DNAH1: variants seen among roughly 807,000 people sequenced by gnomAD.
The protein encoded by DNAH1 is dynein axonemal heavy chain 1.
DNAH1 carries 327 observed loss-of-function variants against 484.3 expected under a neutral mutation model. That is an observed-to-expected ratio of 0.68 (90% CI 0.62 to 0.74). DNAH1 has a LOEUF of 0.74. DNAH1 is among the 30% of genes least tolerant of loss of function. The pLI, the probability that DNAH1 is intolerant of heterozygous loss-of-function variation, is 0.00. For synonymous variants in DNAH1, 2,192 were observed against 2,191.9 expected, an observed-to-expected ratio of 1.00 and a Z score of 0.00; for missense variants, 5,052 against 5,546.8, an observed-to-expected ratio of 0.91 and a Z score of 2.83.
At position 52,380,354 on chromosome 3, in the gene DNAH1, C is replaced by T. The variant is rs2153225108; in HGVS notation, c.7608+219C>T. 2.0e-5 allele frequency among the ~76,000 whole-genome samples: 3 copies of T among 152,216 alleles called. No homozygotes were observed. The South Asian group carries it at 6.2e-4, about 32-fold the overall frequency. ...TATCTCTGAAAACCAGCCTGTGGTCCAGCTGAGATGGGCTCTAGACACAGG... is the reference window on the plus strand; with the variant it reads ...TATCTCTGAAAACCAGCCTGTGGTCTAGCTGAGATGGGCTCTAGACACAGG... On this transcript the variant is annotated intron_variant, in intron 48 of 77. Transcript: ENST00000420323.
rs1380244840 is a variant in DNAH1 at position 52,359,978 on chromosome 3, A to G, written c.4470A>G (p.Ser1490=). The G allele has an allele frequency of 6.2e-7, 1 of 1,613,918 alleles. No individual in the cohort carries two copies. The highest frequency in any genetic ancestry group is 1.7e-5 in the Admixed American group (1 of 60,022). ...CCCGCATGCAGCGGGCAGTGCTGTCAGCGCTAATCGTCATTGAGGTCCATG... is the reference window on the plus strand; with the variant it reads ...CCCGCATGCAGCGGGCAGTGCTGTCGGCGCTAATCGTCATTGAGGTCCATG... The part of the protein sequence containing the change: ...KLSRMQRAVL[S]ALIVIEVHAK... Residue 1490 remains serine (S), a synonymous_variant, in exon 27 of 78, where the codon TCA becomes TCG. Coordinates refer to ENST00000420323, the MANE Select transcript of DNAH1 (RefSeq NM_015512.5).
chr3:52,316,483 A>G lies in DNAH1; in HGVS notation c.-97A>G, dbSNP rs1308708393. 1 of 152,252 alleles carries G rather than the reference A, an allele frequency of 6.6e-6. No individual in the cohort carries two copies. The highest frequency in any genetic ancestry group is 2.4e-5 in the African/African-American group (1 of 41,444). 9.4% of individuals were successfully genotyped at this position (152,252 alleles called of 1,614,324 possible). On this transcript the variant is annotated 5_prime_UTR_variant, in exon 1 of 78. Coordinates refer to ENST00000420323, the MANE Select transcript of DNAH1 (RefSeq NM_015512.5). ...TCACTGAGTACCTGTGTGAATGCCA[A>G]CAAGAAAAATAAAACCACAGTTTGG...
rs1578139994 is a variant in DNAH1 at position 52,360,154 on chromosome 3, A to G, written c.4571+75A>G. ...GCAGGGGAAAAGAGAAAAGTCAGTT[A>G]GCAATAAGCTGGTCTCTGTCCTTGA... is the stretch of plus-strand genomic sequence containing the variant. On this transcript the variant is annotated intron_variant, in intron 27 of 77. Coordinates refer to ENST00000420323, the MANE Select transcript of DNAH1 (RefSeq NM_015512.5). 7 of 1,596,394 alleles carry G rather than the reference A, an allele frequency of 4.4e-6. No homozygotes were observed. The East Asian group carries it at 1.1e-4, about 25-fold the overall frequency.
Position 52,358,619 on chromosome 3 carries a change from A to G in DNAH1, c.4148A>G (p.Gln1383Arg), listed in dbSNP as rs752835053. Residue 1383 changes from glutamine to arginine, a missense_variant, in exon 25 of 78, where the codon CAG becomes CGG. Coordinates refer to ENST00000420323, the MANE Select transcript of DNAH1 (RefSeq NM_015512.5). The surrounding 1 kb of genome is among the most constrained non-coding windows in gnomAD (Gnocchi z 4.2). Reference protein sequence around the residue: ...HMYSAEGEEVQLCFSIYPSSN... With the variant: ...HMYSAEGEEVRLCFSIYPSSN... ...TACTCAGCCGAGGGGGAGGAGGTAC[A>G]GTTGTGCTTCTCCATCTACCCCTCC... The G allele has an allele frequency of 8.1e-6, 13 of 1,613,154 alleles. No individual in the cohort carries two copies. In the African/African-American group the frequency reaches 1.7e-4, roughly 22 times the overall value.
At chr3:52,311,139 A>AC in the DNAH1 span, among the ~76,000 whole-genome samples, 1 of 151,956 alleles carries the variant, frequency 6.6e-6, no homozygotes, top group African/African-American at 2.4e-5. Context: ...GCCCCCTCAC[A>AC]CCCCTGTTGA....
Position 52,332,126 on chromosome 3 carries a change from C to T in DNAH1, c.1034-16C>T, listed in dbSNP as rs1355745577. On this transcript the variant is annotated splice_polypyrimidine_tract_variant and intron_variant, in intron 7 of 77. Transcript: ENST00000420323. ...CCTGATTGTGTGTCCCCTTCTCCCT[C>T]TCACCCGGCCCCCAGGAAGGCCACC... The T allele has an allele frequency of 6.5e-7, 1 of 1,546,188 alleles. No individual in the cohort carries two copies. Among genetic ancestry groups the T allele is most frequent in the Admixed American group, 2.0e-5 (1 of 50,996 alleles).
rs899951598 is a variant in DNAH1 at position 52,381,888 on chromosome 3, G to A, written c.7805+52G>A. ...AGTGGGCGGCCAGGGCTGGCTGGTC[G>A]GTTTGACTGACCCATGCTTTTGCAC... On this transcript the variant is annotated intron_variant, in intron 49 of 77. Coordinates refer to ENST00000420323, the MANE Select transcript of DNAH1 (RefSeq NM_015512.5). This position sits in a 1 kb window ranked among gnomAD's most constrained non-coding sequence, Gnocchi z 4.1. 23 of 1,518,294 alleles carry A rather than the reference G, an allele frequency of 1.5e-5. No individual in the cohort carries two copies. The highest frequency in any genetic ancestry group is 2.0e-5 in the Admixed American group (1 of 49,966). 94.1% of individuals were successfully genotyped at this position (1,518,294 alleles called of 1,614,324 possible).
At chr3:52,396,242 A>G (rs1704618216) in intron 70 of DNAH1, 126 bp from the exon 71 acceptor site, 1 of 1,119,048 alleles carries the variant, frequency 8.9e-7, no homozygotes, top group South Asian at 1.6e-5. Flanking sequence ...CAAAAGCCCA[A>G]TTCTTAACCA....
chr3:52,375,042 TAAA>T lies in DNAH1; in HGVS notation c.6986-187_6986-185del, dbSNP rs36095568. 4.6e-4 allele frequency among the ~76,000 whole-genome samples: 67 copies of T among 145,140 alleles called. No individual in the cohort carries two copies. The South Asian group carries it at 0.014, about 31-fold the overall frequency. ...CAATAAAAAGTACTTTTGAACTTTGTAAAAAAAAAAAAAGTTAAAGGAGAGGAG... is the reference window on the plus strand; with the variant it reads ...CAATAAAAAGTACTTTTGAACTTTGTAAAAAAAAAAGTTAAAGGAGAGGAG... On this transcript the variant is annotated intron_variant, in intron 44 of 77. Transcript: ENST00000420323.
At chr3:52,369,691 C>A (rs1703239616) in intron 37 of DNAH1, 134 bp from the exon 38 acceptor site, 2 of 948,086 alleles carry the variant, frequency 2.1e-6, no homozygotes, top group African/African-American at 1.7e-5. Flanking sequence ...TCCCACCCAG[C>A]ACTGCCCCTG....
intron 1 of DNAH1, among the ~76,000 whole-genome samples, chr3:52,317,093 A>G (rs1002656777): frequency 2.6e-5 from 4 of 152,100 alleles, no homozygotes; most frequent in Non-Finnish European, 5.9e-5. Flanking sequence ...GCTTACCTAT[A>G]TGTATAATTT....
At chr3:52,359,819 G>T in intron 26 of DNAH1, 97 bp from the exon 27 acceptor site, 1 of 1,506,238 alleles carries the variant, frequency 6.6e-7, no homozygotes. Flanking sequence ...CCCCAGGATA[G>T]AGGGACTGTT....
chr3:52,375,407 T>A lies in DNAH1; in HGVS notation c.7153T>A (p.Trp2385Arg). The change falls in exon 45 of 78, where the codon TGG (tryptophan) becomes AGG (arginine). Residue 2385 changes from tryptophan to arginine, a missense_variant. Trp to Arg is a moderately radical substitution (Grantham distance 101). This residue lies in a region of DNAH1 where 2,929 missense variants were observed against 3,409.4 expected (regional missense o/e 0.86). Coordinates refer to ENST00000420323, the MANE Select transcript of DNAH1 (RefSeq NM_015512.5). ...KRIFSTILGN[W>R]LDGLLGEKSY... ...CATCTTCTCCACCATCCTGGGCAACTGGTTGGGTGAGTATTGGTGGGGGTG... is the reference window on the plus strand; with the variant it reads ...CATCTTCTCCACCATCCTGGGCAACAGGTTGGGTGAGTATTGGTGGGGGTG... 1.2e-6 allele frequency: 2 copies of A among 1,612,702 alleles called. No homozygotes were observed. Among genetic ancestry groups the A allele is most frequent in the Admixed American group, 1.7e-5 (1 of 59,924 alleles).
At chr3:52,359,155 G>T in intron 25 of DNAH1, 91 bp from the exon 26 acceptor site, 1 of 1,502,948 alleles carries the variant, frequency 6.7e-7, no homozygotes, top group East Asian at 2.5e-5. Flanking sequence ...AAGTCTGAAA[G>T]GCCAGAGCAC....
chr3:52,396,946 A>G lies in DNAH1; in HGVS notation c.11689A>G (p.Ile3897Val), dbSNP rs765836175. 3.7e-6 allele frequency: 6 copies of G among 1,613,328 alleles called. No homozygotes were observed. Among genetic ancestry groups the G allele is most frequent in the Middle Eastern group, 3.3e-4 (2 of 6,060 alleles). The change falls in exon 73 of 78, where the codon ATC becomes GTC. Residue 3897 changes from isoleucine (I) to valine (V), a missense_variant. Ile to Val is a conservative substitution (Grantham distance 29). Transcript: ENST00000420323. The part of the protein sequence containing the change: ...DDWDRRCIMN[I>V]LEDFYNPDVL... Reference sequence around the variant, plus strand: ...CTGGGACCGGCGCTGCATCATGAACATCTTGGAGGACTTCTACAACCCTGA... The same window carrying G: ...CTGGGACCGGCGCTGCATCATGAACGTCTTGGAGGACTTCTACAACCCTGA...
chr3:52,327,990 C>T lies in DNAH1; in HGVS notation c.847C>T (p.Pro283Ser), dbSNP rs371481904. 3.8e-5 allele frequency: 62 copies of T among 1,613,778 alleles called. No individual in the cohort carries two copies. Among genetic ancestry groups the T allele is most frequent in the Non-Finnish European group, 5.0e-5 (59 of 1,179,822 alleles). ...RKPVPGKALLPTDDFLGHEDP... is the reference protein window; with the variant it reads ...RKPVPGKALLSTDDFLGHEDP... ...ACCTGTCCCGGGAAAAGCCCTCTTGCCCACTGATGACTTCCTGGGGCATGG... is the reference window on the plus strand; with the variant it reads ...ACCTGTCCCGGGAAAAGCCCTCTTGTCCACTGATGACTTCCTGGGGCATGG... The change falls in exon 6 of 78, where the codon CCC becomes TCC. Residue 283 changes from proline (P) to serine (S), a missense_variant. By Grantham distance (74) the Pro-to-Ser change is moderately conservative (BLOSUM62 -1). This residue lies in a region of DNAH1 where 1,263 missense variants were observed against 1,218.8 expected (regional missense o/e 1.04). Coordinates refer to ENST00000420323, the MANE Select transcript of DNAH1 (RefSeq NM_015512.5).
rs548883682 is a variant in DNAH1, at chr3:52,375,997, A to C, written c.7198+4A>C. 7 of 1,611,482 alleles carry C rather than the reference A, an allele frequency of 4.3e-6. No individual in the cohort carries two copies. In the African/African-American group the frequency reaches 6.7e-5, roughly 15 times the overall value. Reference sequence around the variant, plus strand: ...AAAAGCTACCGGGAGCGTGTGCGTAAGTGTGGGCCTGGGCGGGAATGGGGC... The same window carrying C: ...AAAAGCTACCGGGAGCGTGTGCGTACGTGTGGGCCTGGGCGGGAATGGGGC... On this transcript the variant is annotated splice_donor_region_variant and intron_variant, in intron 46 of 77. Transcript: ENST00000420323.
Position 52,400,249 on chromosome 3 carries a change from C to G in DNAH1, c.12677-76C>G, listed in dbSNP as rs1704850181. 2.5e-6 allele frequency: 4 copies of G among 1,581,556 alleles called. No individual in the cohort carries two copies. In the East Asian group the frequency reaches 9.0e-5, roughly 36 times the overall value. Reference sequence around the variant, plus strand: ...CCCTGTCCTCAGCTTAGTCTGCCCACTGCCCTGCCCCTACGCTATCCCTGC... The same window carrying G: ...CCCTGTCCTCAGCTTAGTCTGCCCAGTGCCCTGCCCCTACGCTATCCCTGC... On this transcript the variant is annotated intron_variant, in intron 77 of 77. Coordinates refer to ENST00000420323, the MANE Select transcript of DNAH1 (RefSeq NM_015512.5).
At position 52,355,997 on chromosome 3, in the gene DNAH1, C is replaced by T. The variant is rs1364417178; in HGVS notation, c.3694-617C>T. Among the ~76,000 whole-genome samples, 1 of 152,226 alleles carries T rather than the reference C, an allele frequency of 6.6e-6. No homozygotes were observed. The highest frequency in any genetic ancestry group is 1.5e-5 in the Non-Finnish European group (1 of 68,026). ...CATTCCCCTGTTTCCCCTAGTGCCT[C>T]CCAGGGCCTGGCACAGTCCTGACAC... On this transcript the variant is annotated intron_variant, in intron 21 of 77. Coordinates refer to ENST00000420323, the MANE Select transcript of DNAH1 (RefSeq NM_015512.5). The surrounding 1 kb of genome is among the most constrained non-coding windows in gnomAD (Gnocchi z 4.5).
Sources: allele counts gnomAD v4.1 joint callset (sites outside exome capture counted in the v4.1 genomes callset), GRCh38; gene constraint gnomAD v4.1.1; regional missense constraint gnomAD v4.1.1; non-coding constraint Gnocchi (gnomAD v3.1); transcripts MANE v1.5; gene names NCBI Gene and HGNC (gene_info 2026-07-23, HGNC 2026-07-21).